The following CAAP1 variants were observed in gnomAD, a reference collection of about 807,000 sequenced individuals.
The protein encoded by CAAP1 is conserved anti-apoptotic protein.
A neutral mutation model predicts 34.0 loss-of-function variants in CAAP1; 20 were observed. That is an observed-to-expected ratio of 0.59 (90% CI 0.41 to 0.86). The LOEUF (loss-of-function observed/expected upper bound fraction) is 0.86. Among genes scored for constraint, CAAP1 ranks in the 40% least tolerant of loss-of-function variants. The pLI, the probability that CAAP1 is intolerant of heterozygous loss-of-function variation, is 0.00. For missense variants in CAAP1, 538 were observed against 450.5 expected (o/e 1.19, Z -1.76); for synonymous variants, 213 against 166.7 (o/e 1.28, Z -2.14).
At chr9:26,864,545 C>A (rs1823082991) in intron 4 of CAAP1, among the ~76,000 whole-genome samples, 1 of 151,988 alleles carries the variant, frequency 6.6e-6, no homozygotes, top group Non-Finnish European at 1.5e-5. Flanking sequence ...AGTTACCACA[C>A]CCCGGTGCTT....
chr9:26,891,800 G>A (rs964052034), intron 1 of CAAP1, among the ~76,000 whole-genome samples: 1 of 152,094 alleles, frequency 6.6e-6, no homozygotes, highest in Non-Finnish European at 1.5e-5. Context: ...GCAAGAAAAG[G>A]GACTTGACGC....
At chr9:26,864,251 T>G (rs12351014) in intron 4 of CAAP1, among the ~76,000 whole-genome samples, 1 of 152,132 alleles carries the variant, frequency 6.6e-6, no homozygotes, top group Non-Finnish European at 1.5e-5. Flanking sequence ...TCCTTTCTTA[T>G]AGTTCAATGA....
chr9:26,854,394 A>T (rs1443703787), intron 5 of CAAP1, among the ~76,000 whole-genome samples: 2 of 152,210 alleles, frequency 1.3e-5, no homozygotes, highest in African/African-American at 4.8e-5. Context: ...TCCAAAACCT[A>T]TGCACTTAAA....
chr9:26,892,793 G>C lies in CAAP1; in HGVS notation c.-78C>G. On this transcript the variant is annotated 5_prime_UTR_variant, in exon 1 of 6. Transcript: ENST00000333916. ...AAGCCCGACTCCTGCGGCCGTGGGC[G>C]GCAGGCACTGGCGTCGCAGGTTATG... is the stretch of plus-strand genomic sequence containing the variant. The C allele has an allele frequency of 2.2e-6, 3 of 1,345,224 alleles. No individual in the cohort carries two copies. Among genetic ancestry groups the C allele is most frequent in the Non-Finnish European group, 3.0e-6 (3 of 995,894 alleles). The allele number at this position is 1,345,224 out of a possible 1,614,324, so 83.3% of individuals were successfully genotyped here. A position where few individuals can be genotyped will look rare whatever the true frequency, so the allele number is the denominator to read the frequency against.
At chr9:26,878,256 T>C (rs1823494586) in intron 4 of CAAP1, among the ~76,000 whole-genome samples, 1 of 152,224 alleles carries the variant, frequency 6.6e-6, no homozygotes, top group African/African-American at 2.4e-5. Context: ...TAGCTTGGCA[T>C]GTGCTTTGTT....
In CAAP1 at chr9:26,892,701, CT is replaced by C; in HGVS notation, c.14del (p.Lys5SerfsTer125). ...GTTTGCGCCGTTTCTCCCGGGAGGA[CT>C]TTTTCCCCGTCATGATCCCTCTGCT... is the stretch of plus-strand genomic sequence containing the variant. MTGK[K>X]SSREKRRKRS... On this transcript the variant is annotated frameshift_variant, in exon 1 of 6. Transcript: ENST00000333916. LOFTEE classifies it high-confidence loss of function. The C allele has an allele frequency of 6.3e-6, 10 of 1,597,908 alleles. No individual in the cohort carries two copies. Among genetic ancestry groups the C allele is most frequent in the Non-Finnish European group, 1.7e-6 (2 of 1,175,940 alleles).
chr9:26,887,661 G>A, intron 1 of CAAP1, 148 bp from the exon 2 acceptor site: 1 of 576,196 alleles, frequency 1.7e-6, no homozygotes, highest in Non-Finnish European at 3.0e-6. Context: ...AACCATAGGA[G>A]AGAATATCTG....
At position 26,842,354 on chromosome 9, in the gene CAAP1, C is replaced by T. The variant is rs200405454; in HGVS notation, c.1033G>A (p.Ala345Thr). ...TTCATTAGGGCTTTAATCGCTCTTG[C>T]CCTCATCTCAAGTTCTAGCAGCTCC... ...QLELLELEMRARAIKALMKAG... is the reference protein window; with the variant it reads ...QLELLELEMRTRAIKALMKAG... Residue 345 changes from alanine (A) to threonine (T), a missense_variant, in exon 6 of 6, where the codon GCA (alanine) becomes ACA (threonine). By Grantham distance (58) the Ala-to-Thr change is moderately conservative. Coordinates refer to ENST00000333916, the MANE Select transcript of CAAP1 (RefSeq NM_024828.4). The T allele has an allele frequency of 1.9e-5, 31 of 1,613,484 alleles. No homozygotes were observed. Among genetic ancestry groups the T allele is most frequent in the Non-Finnish European group, 2.5e-5 (29 of 1,179,806 alleles).
intron 4 of CAAP1, among the ~76,000 whole-genome samples, chr9:26,877,470 C>T (rs1434444420): frequency 6.6e-6 from 1 of 152,148 alleles, no homozygotes; most frequent in African/African-American, 2.4e-5. Flanking sequence ...CTGTATTTTC[C>T]TCAGATGAGT....
At chr9:26,862,390 T>C (rs1165474999) in intron 4 of CAAP1, among the ~76,000 whole-genome samples, 1 of 151,856 alleles carries the variant, frequency 6.6e-6, no homozygotes, top group Non-Finnish European at 1.5e-5. Flanking sequence ...TTAATTATTC[T>C]TCTAAACATA....
At chr9:26,892,270 TAGGAACATGAACCTCA>T in intron 1 of CAAP1, 127 bp downstream of exon 1, 1 of 1,527,554 alleles carries the variant, frequency 6.5e-7, no homozygotes, top group Non-Finnish European at 8.7e-7. Context: ...AGGACTTAGG[TAGGAACATGAACCTCA>T]AGGACGGACG....
intron 5 of CAAP1, among the ~76,000 whole-genome samples, chr9:26,846,415 C>CAAAAAA (rs761402354): frequency 5.7e-4 from 35 of 61,466 alleles, no homozygotes; most frequent in East Asian, 1.2e-3. Context: ...GACTCTGTCT[C>CAAAAAA]AAAAAAAAAA....
At chr9:26,882,747 C>A (rs1823626301) in intron 4 of CAAP1, among the ~76,000 whole-genome samples, 1 of 152,120 alleles carries the variant, frequency 6.6e-6, no homozygotes, top group African/African-American at 2.4e-5. Flanking sequence ...TCAACACCAG[C>A]ATGTGAAAGC....
At chr9:26,888,372 T>C (rs1823806829) in intron 1 of CAAP1, among the ~76,000 whole-genome samples, 1 of 152,196 alleles carries the variant, frequency 6.6e-6, no homozygotes, top group Non-Finnish European at 1.5e-5. Context: ...GAAGCAGGGC[T>C]TTTGCATACC....
At chr9:26,850,774 CT>C (rs903394871) in intron 5 of CAAP1, among the ~76,000 whole-genome samples, 2 of 151,196 alleles carry the variant, frequency 1.3e-5, no homozygotes, top group African/African-American at 4.9e-5. Context: ...GAGAACTTGG[CT>C]TTTTTTTTCT....
At chr9:26,890,158 T>A (rs992772789) in intron 1 of CAAP1, among the ~76,000 whole-genome samples, 5 of 150,714 alleles carry the variant, frequency 3.3e-5, no homozygotes, top group Non-Finnish European at 5.9e-5. Context: ...TCACCTGAGG[T>A]CAGGAGTTGG....
At chr9:26,846,415 C>CAAAAAAAAAAAAAAAAAAAAAAAAAAA (rs761402354) in intron 5 of CAAP1, among the ~76,000 whole-genome samples, 2 of 61,746 alleles carry the variant, frequency 3.2e-5, no homozygotes, top group African/African-American at 5.7e-5. Context: ...GACTCTGTCT[C>CAAAAAAAAAAAAAAAAAAAAAAAAAAA]AAAAAAAAAA....
intron 4 of CAAP1, among the ~76,000 whole-genome samples, chr9:26,871,028 C>T (rs556869756): frequency 2.0e-5 from 3 of 152,250 alleles, no homozygotes; most frequent in Admixed American, 2.0e-4. Context: ...TACTTTATTG[C>T]ATTCAAGTTT....
chr9:26,865,448 C>T (rs1262775037), intron 4 of CAAP1, among the ~76,000 whole-genome samples: 2 of 151,412 alleles, frequency 1.3e-5, no homozygotes, highest in Non-Finnish European at 1.5e-5. Flanking sequence ...CACTGGAACC[C>T]GGGAGGTGGA....
Sources: gnomAD v4.1 joint callset for allele counts (sites outside exome capture counted in the v4.1 genomes callset) on GRCh38, gnomAD v4.1.1 for gene constraint, MANE v1.5 for transcripts, NCBI Gene and HGNC (gene_info 2026-07-23, HGNC 2026-07-21) for gene names.